Variants in FAAH2 observed in about 807,000 individuals in gnomAD.
FAAH2 encodes fatty acid amide hydrolase 2, also known as fatty-acid amide hydrolase 2.
In FAAH2, 60 loss-of-function variants were observed where a neutral mutation model predicts 36.9. The observed-to-expected ratio is 1.63, with a 90% CI of 1.32 to 2.02. FAAH2 has a LOEUF of 2.02. FAAH2 is among the 30% of genes most tolerant of loss of function. The probability of loss-of-function intolerance (pLI) is 0.00; values close to 1 mark genes in which losing one functional copy is unlikely to be tolerated. For synonymous variants in FAAH2, 214 were observed against 143.8 expected (o/e 1.49, Z -3.49); for missense variants, 689 against 397.5 (o/e 1.73, Z -6.23).
In FAAH2 at chrX:57,362,432, C is replaced by T. The variant is rs755607693; in HGVS notation, c.743-16219C>T. The stretch of plus-strand genomic sequence containing the variant: ...CGGGTTGATGGGTGCAGCAAACCAC[C>T]ATGGCACGTGTATACCTATGTAACA... On this transcript the variant is annotated intron_variant, in intron 5 of 10. Coordinates refer to ENST00000374900, the MANE Select transcript of FAAH2 (RefSeq NM_174912.4). Among the ~76,000 whole-genome samples, 19 of 111,038 alleles carry T rather than the reference C, an allele frequency of 1.7e-4. No individual in the cohort carries two copies. In the South Asian group the frequency reaches 7.4e-3, roughly 43 times the overall value.
At chrX:57,147,199 T>G in the FAAH2 span, among the ~76,000 whole-genome samples, 4 of 111,997 alleles carry the variant, frequency 3.6e-5, no homozygotes, top group Admixed American at 3.8e-4. Context: ...CTGAACTTTT[T>G]TTCTTGTTGG....
At chrX:57,383,656 G>T (rs770744628) in intron 7 of FAAH2, among the ~76,000 whole-genome samples, 7 of 111,322 alleles carry the variant, frequency 6.3e-5, no homozygotes, top group Admixed American at 1.9e-4. Context: ...ACAAATTACT[G>T]CTCAATGAAA....
At chrX:57,460,423 C>A (rs140211031) in intron 10 of FAAH2, among the ~76,000 whole-genome samples, 1,381 of 111,664 alleles carry the variant, frequency 0.012, 12 homozygotes, top group African/African-American at 0.043. Context: ...GTCAGGTTAC[C>A]TACAAAGGGA....
chrX:57,218,827 C>T, the FAAH2 span, among the ~76,000 whole-genome samples: 1 of 111,604 alleles, frequency 9.0e-6, no homozygotes, highest in South Asian at 3.8e-4. Flanking sequence ...TCTGTTTGGT[C>T]CTGGACTTTT....
chrX:57,304,976 T>C (rs1358904033), intron 2 of FAAH2, among the ~76,000 whole-genome samples: 7 of 111,909 alleles, frequency 6.3e-5, no homozygotes, highest in Non-Finnish European at 3.8e-5. Context: ...CTTTGGCTTC[T>C]AGACAGTGCT....
chrX:57,192,205 A>T, the FAAH2 span, among the ~76,000 whole-genome samples: 2 of 110,737 alleles, frequency 1.8e-5, no homozygotes, highest in African/African-American at 6.6e-5. Flanking sequence ...GTTAATTTTA[A>T]TTTCATTTGT....
chrX:57,178,050 C>A, the FAAH2 span, among the ~76,000 whole-genome samples: 1 of 111,633 alleles, frequency 9.0e-6, no homozygotes, highest in Non-Finnish European at 1.9e-5. Context: ...ACACTTCAGG[C>A]TGATGCCATA....
intron 7 of FAAH2, among the ~76,000 whole-genome samples, chrX:57,418,913 T>G (rs1602596002): frequency 1.1e-5 from 1 of 87,527 alleles, no homozygotes; most frequent in East Asian, 4.5e-4. Context: ...TTCCCCTTCC[T>G]GTGTCCATGT....
the FAAH2 span, among the ~76,000 whole-genome samples, chrX:57,210,683 T>G: frequency 8.9e-6 from 1 of 112,419 alleles, no homozygotes; most frequent in African/African-American, 3.2e-5. Flanking sequence ...CTTCATAAAA[T>G]GAAAGACAAA....
At chrX:57,432,069 T>G in intron 8 of FAAH2, 32 bp downstream of exon 8, 1 of 1,152,166 alleles carries the variant, frequency 8.7e-7, no homozygotes, top group Non-Finnish European at 1.2e-6. Context: ...CTTACTTTTT[T>G]CTTTGTGTAA....
In FAAH2 at chrX:57,295,368, C is replaced by T. The variant is rs140523985; in HGVS notation, c.275+2788C>T. Among the ~76,000 whole-genome samples, 42 of 112,147 alleles carry T rather than the reference C, an allele frequency of 3.7e-4. No individual in the cohort carries two copies. In the East Asian group the frequency reaches 0.01, roughly 28 times the overall value. ...CAAACCCCTTCACCTCTTTTCTTTC[C>T]TCCTAGTCTTTCTCTGGCACCCATA... On this transcript the variant is annotated intron_variant, in intron 2 of 10. Transcript: ENST00000374900.
At chrX:57,166,693 A>T in the FAAH2 span, among the ~76,000 whole-genome samples, 3 of 112,489 alleles carry the variant, frequency 2.7e-5, no homozygotes, top group Middle Eastern at 9.3e-3. Context: ...GTTAGGAGAC[A>T]TAGTTACGGT....
At chrX:57,327,688 A>T (rs945200643) in intron 3 of FAAH2, among the ~76,000 whole-genome samples, 3 of 111,618 alleles carry the variant, frequency 2.7e-5, no homozygotes, top group African/African-American at 9.8e-5. Context: ...TTTTGGCTCC[A>T]TCAGGTCCTT....
chrX:57,413,167 G>T, intron 7 of FAAH2, among the ~76,000 whole-genome samples: 1 of 111,753 alleles, frequency 8.9e-6, no homozygotes. Context: ...CTCCTATTCT[G>T]TAGGTTGCCT....
the FAAH2 span, among the ~76,000 whole-genome samples, chrX:57,232,375 C>T: frequency 8.9e-6 from 1 of 111,950 alleles, no homozygotes; most frequent in South Asian, 3.7e-4. Flanking sequence ...TAAGATTGTT[C>T]TCAATGGGGA....
chrX:57,447,918 G>A (rs989371314), intron 9 of FAAH2, among the ~76,000 whole-genome samples: 10 of 112,066 alleles, frequency 8.9e-5, no homozygotes, highest in East Asian at 2.8e-4. Context: ...TTCTGCAGCC[G>A]GCTTGAATTT....
At chrX:57,133,807 T>A in the FAAH2 span, among the ~76,000 whole-genome samples, 9 of 112,014 alleles carry the variant, frequency 8.0e-5, no homozygotes, top group Admixed American at 8.5e-4. Context: ...CTGAATTGTG[T>A]GATGTATACA....
chrX:57,470,395 AT>A (rs767657301), intron 10 of FAAH2, among the ~76,000 whole-genome samples: 1 of 111,871 alleles, frequency 8.9e-6, no homozygotes, highest in African/African-American at 3.2e-5. Flanking sequence ...AATAGACACA[AT>A]AAAAAATGAT....
intron 2 of FAAH2, among the ~76,000 whole-genome samples, chrX:57,303,303 A>G (rs1202418826): frequency 9.0e-6 from 1 of 111,563 alleles, no homozygotes; most frequent in Admixed American, 9.6e-5. Flanking sequence ...AGTTCTTCTC[A>G]TTGTTTTTCT....
Sources: allele counts gnomAD v4.1 joint callset (sites outside exome capture counted in the v4.1 genomes callset), GRCh38; gene constraint gnomAD v4.1.1; transcripts MANE v1.5; gene names NCBI Gene and HGNC (gene_info 2026-07-23, HGNC 2026-07-21).